The following PMS1 variants were observed in gnomAD, a reference collection of about 807,000 sequenced individuals.
PMS1 encodes PMS1 homolog 1, mismatch repair system component, also known as PMS1 protein homolog 1.
A neutral mutation model predicts 93.1 loss-of-function variants in PMS1; 79 were observed. The ratio of observed to expected loss-of-function variants is 0.85; its 90% CI spans 0.71 to 1.02. The LOEUF (loss-of-function observed/expected upper bound fraction) is 1.02. PMS1 is among the 50% of genes least tolerant of loss of function. The pLI, the probability that PMS1 is intolerant of heterozygous loss-of-function variation, is 0.00. For synonymous variants in PMS1, 335 were observed against 363.4 expected, an observed-to-expected ratio of 0.92 and a Z score of 0.89; for missense variants, 1,064 against 1,085.3, an observed-to-expected ratio of 0.98 and a Z score of 0.28.
rs1170354885 is a variant in PMS1 at position 189,795,949 on chromosome 2, G to C, written c.313G>C (p.Glu105Gln). The part of the protein sequence containing the change: ...EALGSICCIA[E>Q]VLITTRTAAD... The stretch of plus-strand genomic sequence containing the variant: ...CTTGGGGTCAATTTGTTGTATAGCT[G>C]AGGTAAGGTAATTATATTGGTTATT... The change falls in exon 3 of 13, where the codon GAG becomes CAG. Residue 105 changes from glutamate to glutamine, a missense_variant and splice_region_variant. Glu to Gln is a conservative substitution (Grantham distance 29). Coordinates refer to ENST00000441310, the MANE Select transcript of PMS1 (RefSeq NM_000534.5). 6 of 1,597,436 alleles carry C rather than the reference G, an allele frequency of 3.8e-6. No individual in the cohort carries two copies. Among genetic ancestry groups the C allele is most frequent in the Non-Finnish European group, 5.2e-6 (6 of 1,164,968 alleles).
intron 5 of PMS1, among the ~76,000 whole-genome samples, chr2:189,833,021 T>C (rs1049138319): frequency 6.6e-6 from 1 of 152,210 alleles, no homozygotes; most frequent in Non-Finnish European, 1.5e-5. Flanking sequence ...GAAAACAGAA[T>C]GTTACACATT....
At chr2:189,812,918 A>G (rs894488494) in intron 4 of PMS1, among the ~76,000 whole-genome samples, 1 of 152,216 alleles carries the variant, frequency 6.6e-6, no homozygotes, top group African/African-American at 2.4e-5. Flanking sequence ...ATATCATACC[A>G]GGTAGTTTGT....
intron 4 of PMS1, among the ~76,000 whole-genome samples, chr2:189,813,806 G>A (rs2051044894): frequency 6.6e-6 from 1 of 152,184 alleles, no homozygotes. Context: ...TGTTACACGG[G>A]ACTGTTGTTA....
intron 5 of PMS1, among the ~76,000 whole-genome samples, chr2:189,818,404 T>TC (rs2106327906): frequency 1.3e-5 from 2 of 152,244 alleles, no homozygotes; most frequent in South Asian, 4.1e-4. Flanking sequence ...CTGCCTTCCT[T>TC]CTTCTGCCAT....
At chr2:189,804,325 A>G (rs2106270527) in intron 3 of PMS1, among the ~76,000 whole-genome samples, 1 of 152,372 alleles carries the variant, frequency 6.6e-6, no homozygotes, top group South Asian at 2.1e-4. Flanking sequence ...AATGAGCCAC[A>G]GAAAAGAAAA....
At chr2:189,873,081 C>T (rs1391737536) in intron 11 of PMS1, among the ~76,000 whole-genome samples, 1 of 152,078 alleles carries the variant, frequency 6.6e-6, no homozygotes, top group Non-Finnish European at 1.5e-5. Flanking sequence ...TTTTATAATT[C>T]GTAAGTTAAA....
intron 5 of PMS1, among the ~76,000 whole-genome samples, chr2:189,841,264 A>G (rs1372292467): frequency 6.6e-6 from 1 of 152,246 alleles, no homozygotes; most frequent in Non-Finnish European, 1.5e-5. Context: ...AGTAGTTTCT[A>G]GAACAGTAGT....
chr2:189,850,103 G>T (rs1401669945), intron 6 of PMS1, among the ~76,000 whole-genome samples: 3 of 152,056 alleles, frequency 2.0e-5, no homozygotes, highest in African/African-American at 7.3e-5. Flanking sequence ...CTACTTTTAT[G>T]TGGGTGGCCT....
In PMS1 at chr2:189,877,438, T is replaced by A. The variant is rs746846733; in HGVS notation, c.*2T>A. 1.4e-5 allele frequency: 23 copies of A among 1,597,686 alleles called. No homozygotes were observed. The Admixed American group carries it at 3.2e-4, about 22-fold the overall frequency. On this transcript the variant is annotated 3_prime_UTR_variant, in exon 13 of 13. Coordinates refer to ENST00000441310, the MANE Select transcript of PMS1 (RefSeq NM_000534.5). ...ACCTATCTTCCAGAAACTACATGAT[T>A]AAATATGTTTAAGAAGATTAGTTAC...
intron 5 of PMS1, among the ~76,000 whole-genome samples, chr2:189,830,528 T>G (rs2052834597): frequency 6.6e-6 from 1 of 152,240 alleles, no homozygotes; most frequent in East Asian, 1.9e-4. Context: ...TTTCTTGAAC[T>G]TATCAGTATC....
chr2:189,832,074 G>C (rs943803846), intron 5 of PMS1, among the ~76,000 whole-genome samples: 1 of 152,178 alleles, frequency 6.6e-6, no homozygotes, highest in African/African-American at 2.4e-5. Context: ...ATATTGTTGA[G>C]ATGTTTGCCT....
At chr2:189,866,222 ACTT>A (rs1488511801) in intron 10 of PMS1, among the ~76,000 whole-genome samples, 1 of 152,176 alleles carries the variant, frequency 6.6e-6, no homozygotes, top group African/African-American at 2.4e-5. Flanking sequence ...CATTTTGTAA[ACTT>A]CATTTAAATT....
chr2:189,794,721 C>A (rs1470754755), intron 2 of PMS1, among the ~76,000 whole-genome samples: 1 of 151,996 alleles, frequency 6.6e-6, no homozygotes. Flanking sequence ...AGTATGATCA[C>A]TATGGGAATT....
chr2:189,867,766 T>C, intron 10 of PMS1, 33 bp from the exon 11 acceptor site: 1 of 1,497,790 alleles, frequency 6.7e-7, no homozygotes. Flanking sequence ...TTTGTGTTTT[T>C]AATAAGTTAA....
chr2:189,857,186 A>G (rs967007282), intron 9 of PMS1, among the ~76,000 whole-genome samples: 2 of 152,296 alleles, frequency 1.3e-5, no homozygotes, highest in East Asian at 3.9e-4. Context: ...TTTTTAATCT[A>G]TGAAAGGGAA....
chr2:189,866,736 C>T (rs2056691919), intron 10 of PMS1, among the ~76,000 whole-genome samples: 1 of 152,190 alleles, frequency 6.6e-6, no homozygotes, highest in African/African-American at 2.4e-5. Flanking sequence ...ATAATATCCA[C>T]ATTTTATAGC....
At chr2:189,789,480 A>G (rs567740978) in intron 1 of PMS1, among the ~76,000 whole-genome samples, 73 of 152,290 alleles carry the variant, frequency 4.8e-4, no homozygotes, top group African/African-American at 1.7e-3. Context: ...TTTGCCTTCT[A>G]TATAGCAAAA....
At chr2:189,813,548 A>G (rs971899934) in intron 4 of PMS1, among the ~76,000 whole-genome samples, 10 of 152,236 alleles carry the variant, frequency 6.6e-5, no homozygotes, top group East Asian at 3.8e-4. Context: ...TGTTGTATCA[A>G]TTGAATTTTG....
intron 2 of PMS1, among the ~76,000 whole-genome samples, chr2:189,795,056 C>T (rs2049219190): frequency 6.6e-6 from 1 of 152,264 alleles, no homozygotes; most frequent in East Asian, 1.9e-4. Context: ...TGTGATCATG[C>T]CACTGTACTG....
Sources: allele counts gnomAD v4.1 joint callset (sites outside exome capture counted in the v4.1 genomes callset), GRCh38; gene constraint gnomAD v4.1.1; transcripts MANE v1.5; gene names NCBI Gene and HGNC (gene_info 2026-07-23, HGNC 2026-07-21).